MAP3K5: variants seen among roughly 807,000 people sequenced by gnomAD.
MAP3K5 encodes ASK-1.
Under a neutral mutation model 158.7 loss-of-function variants are expected in MAP3K5, and 56 were observed. The ratio of observed to expected loss-of-function variants is 0.35; its 90% CI spans 0.28 to 0.44. The LOEUF (loss-of-function observed/expected upper bound fraction) is 0.44, where lower values mean the gene tolerates loss of function less well. Ranked by LOEUF, MAP3K5 falls within the 20% of genes least tolerant of loss-of-function variation. The pLI is 1.00. For missense variants in MAP3K5, 1,294 were observed against 1,674.8 expected (o/e 0.77, Z 3.97); for synonymous variants, 579 against 601.7 (o/e 0.96, Z 0.55).
intron 25 of MAP3K5, among the ~76,000 whole-genome samples, chr6:136,570,533 A>G (rs1774315220): frequency 6.6e-6 from 1 of 152,224 alleles, no homozygotes; most frequent in South Asian, 2.1e-4. Flanking sequence ...TAAAGTCAAC[A>G]ATCTAAAGAG....
intron 19 of MAP3K5, among the ~76,000 whole-genome samples, chr6:136,604,777 T>TAAA (rs796192414): frequency 8.3e-6 from 1 of 120,342 alleles, no homozygotes; most frequent in East Asian, 2.5e-4. Flanking sequence ...CTTTTTTTTT[T>TAAA]AAAAAAAATG....
chr6:136,672,115 T>A (rs993305812), intron 7 of MAP3K5, among the ~76,000 whole-genome samples: 1 of 152,120 alleles, frequency 6.6e-6, no homozygotes, highest in Non-Finnish European at 1.5e-5. Context: ...TATACAAATG[T>A]TGGGAACCTA....
At chr6:136,675,700 C>T (rs1779675410) in intron 7 of MAP3K5, among the ~76,000 whole-genome samples, 2 of 151,816 alleles carry the variant, frequency 1.3e-5, no homozygotes, top group African/African-American at 2.4e-5. Flanking sequence ...ATCAATGCTC[C>T]AAGCTTTCAT....
At position 136,583,659 on chromosome 6, in the gene MAP3K5, G is replaced by A; in HGVS notation, c.3307C>T (p.Arg1103Ter). ...GACAGTGTGGTGGCTATGATTTTTC[G>A]GTCAGTGGATCTCACAAATTCTCTG... The part of the protein sequence containing the change: ...SLREFVRSTD[R>*]KIIATTLSKL... The change falls in exon 24 of 30, where the codon CGA (arginine) becomes TGA (stop). Residue 1103 changes from arginine to a stop codon, truncating the protein, a stop_gained. Coordinates refer to ENST00000359015, the MANE Select transcript of MAP3K5 (RefSeq NM_005923.4). LOFTEE classifies it high-confidence loss of function. 1 of 1,614,118 alleles carries A rather than the reference G, an allele frequency of 6.2e-7. No individual in the cohort carries two copies. Among genetic ancestry groups the A allele is most frequent in the Non-Finnish European group, 8.5e-7 (1 of 1,180,036 alleles).
intron 18 of MAP3K5, among the ~76,000 whole-genome samples, chr6:136,606,989 C>T (rs897622936): frequency 3.9e-5 from 6 of 152,220 alleles, no homozygotes; most frequent in Non-Finnish European, 7.3e-5. Flanking sequence ...CAGTAGTTCA[C>T]GCTAACATAC....
intron 1 of MAP3K5, among the ~76,000 whole-genome samples, chr6:136,783,436 A>C (rs1784703824): frequency 6.6e-6 from 1 of 152,198 alleles, no homozygotes; most frequent in African/African-American, 2.4e-5. Flanking sequence ...TATCTTTCTC[A>C]TATCTAGCCA....
chr6:136,559,828 C>T (rs1830428702), intron 28 of MAP3K5, among the ~76,000 whole-genome samples: 1 of 152,084 alleles, frequency 6.6e-6, no homozygotes, highest in African/African-American at 2.4e-5. Flanking sequence ...CTGCACCTGG[C>T]CTCAAGCTTT....
At chr6:136,738,062 G>A (rs560308294) in intron 1 of MAP3K5, among the ~76,000 whole-genome samples, 11 of 152,158 alleles carry the variant, frequency 7.2e-5, no homozygotes, top group African/African-American at 2.2e-4. Context: ...ACCACCCACC[G>A]AATGAGAAAT....
chr6:136,684,487 T>A (rs1390982539), intron 7 of MAP3K5, among the ~76,000 whole-genome samples: 1 of 152,200 alleles, frequency 6.6e-6, no homozygotes, highest in African/African-American at 2.4e-5. Flanking sequence ...GTGGAGATAA[T>A]CTGGCAATGA....
Position 136,590,690 on chromosome 6 carries a change from G to A in MAP3K5, c.3225+1483C>T, listed in dbSNP as rs139020372. ...CACGTAGCTGGGACTACAGGCGCCCGCCATCACGCCTGGCTAATTTTTTGT... is the reference window on the plus strand; with the variant it reads ...CACGTAGCTGGGACTACAGGCGCCCACCATCACGCCTGGCTAATTTTTTGT... On this transcript the variant is annotated intron_variant, in intron 23 of 29. Coordinates refer to ENST00000359015, the MANE Select transcript of MAP3K5 (RefSeq NM_005923.4). 8.4e-3 allele frequency among the ~76,000 whole-genome samples: 1,273 copies of A among 152,014 alleles called. 16 individuals carry two copies. Among genetic ancestry groups the A allele is most frequent in the African/African-American group, 0.027 (1,107 of 41,446 alleles).
chr6:136,673,157 T>C (rs1779558259), intron 7 of MAP3K5, among the ~76,000 whole-genome samples: 1 of 151,754 alleles, frequency 6.6e-6, no homozygotes, highest in South Asian at 2.1e-4. Flanking sequence ...TTCAAGAGGG[T>C]CACAGCTAAG....
At chr6:136,593,662 T>A in intron 21 of MAP3K5, 1 of 392,694 alleles carries the variant, frequency 2.5e-6, no homozygotes, top group Non-Finnish European at 4.9e-6. Context: ...GAGAAACGGG[T>A]ATCTGAATCA....
At chr6:136,579,777 T>A in intron 25 of MAP3K5, 1 of 455,548 alleles carries the variant, frequency 2.2e-6, no homozygotes, top group South Asian at 1.6e-5. Flanking sequence ...AATTTTGCTG[T>A]GAATCTTAAA....
At chr6:136,668,695 C>A (rs982541529) in intron 8 of MAP3K5, among the ~76,000 whole-genome samples, 1 of 152,076 alleles carries the variant, frequency 6.6e-6, no homozygotes, top group African/African-American at 2.4e-5. Flanking sequence ...CAGGGAAAGG[C>A]AGCAGATGAG....
At chr6:136,624,150 C>T (rs1014898361) in intron 14 of MAP3K5, among the ~76,000 whole-genome samples, 2 of 151,862 alleles carry the variant, frequency 1.3e-5, no homozygotes, top group Admixed American at 6.6e-5. Flanking sequence ...GCTGAGATGG[C>T]GACACTGCAC....
chr6:136,749,210 T>C (rs1313815517), intron 1 of MAP3K5, among the ~76,000 whole-genome samples: 3 of 151,828 alleles, frequency 2.0e-5, no homozygotes, highest in African/African-American at 7.3e-5. Context: ...CCATCTCTAC[T>C]AAAAATACAC....
intron 7 of MAP3K5, among the ~76,000 whole-genome samples, chr6:136,682,359 A>G (rs1779973492): frequency 1.3e-5 from 2 of 152,228 alleles, no homozygotes; most frequent in African/African-American, 2.4e-5. Flanking sequence ...ACTGAGAAAC[A>G]TAACTCGAAG....
At chr6:136,784,567 A>T (rs939521237) in intron 1 of MAP3K5, among the ~76,000 whole-genome samples, 1 of 152,006 alleles carries the variant, frequency 6.6e-6, no homozygotes, top group Admixed American at 6.6e-5. Context: ...TTCCCTTATG[A>T]GTTTATCTAC....
chr6:136,736,271 T>C (rs1274331423), intron 1 of MAP3K5, among the ~76,000 whole-genome samples: 1 of 152,192 alleles, frequency 6.6e-6, no homozygotes, highest in Non-Finnish European at 1.5e-5. Context: ...TCAACATCTC[T>C]AAAAGAGGCC....
Sources: gnomAD v4.1 joint callset for allele counts (sites outside exome capture counted in the v4.1 genomes callset) on GRCh38, gnomAD v4.1.1 for gene constraint, MANE v1.5 for transcripts, NCBI Gene and HGNC (gene_info 2026-07-23, HGNC 2026-07-21) for gene names.